The following C12orf42 variants were observed in gnomAD, a reference collection of about 807,000 sequenced individuals.
C12orf42 encodes chromosome 12 open reading frame 42, also known as uncharacterized protein C12orf42.
C12orf42 carries 25 observed loss-of-function variants against 21.6 expected under a neutral mutation model. That is an observed-to-expected ratio of 1.16 (90% CI 0.84 to 1.62). The LOEUF is 1.62. C12orf42 is among the 40% of genes most tolerant of loss of function. The pLI, the probability that C12orf42 is intolerant of heterozygous loss-of-function variation, is 0.00. For synonymous variants in C12orf42, 174 were observed against 175.0 expected, an observed-to-expected ratio of 0.99 and a Z score of 0.05; for missense variants, 483 against 459.3, an observed-to-expected ratio of 1.05 and a Z score of -0.47.
chr12:103,406,613 A>T (rs1426552945), intron 2 of C12orf42, among the ~76,000 whole-genome samples: 1 of 152,208 alleles, frequency 6.6e-6, no homozygotes, highest in Non-Finnish European at 1.5e-5. Flanking sequence ...TTGGTTTGCC[A>T]TTTACTATGT....
At chr12:103,367,405 T>G (rs11111538) in intron 4 of C12orf42, among the ~76,000 whole-genome samples, 17,169 of 147,896 alleles carry the variant, frequency 0.12, 1,317 homozygotes, top group African/African-American at 0.23. Flanking sequence ...AACTTACTCA[T>G]GTAACCAAAC....
At chr12:103,428,520 A>G (rs1949433120) in intron 2 of C12orf42, among the ~76,000 whole-genome samples, 1 of 152,218 alleles carries the variant, frequency 6.6e-6, no homozygotes. Context: ...AAGGATTCAC[A>G]GCCTTATTCT....
At chr12:103,355,045 C>T (rs1337930652) in intron 4 of C12orf42, among the ~76,000 whole-genome samples, 1 of 152,082 alleles carries the variant, frequency 6.6e-6, no homozygotes, top group Non-Finnish European at 1.5e-5. Flanking sequence ...ACTATGTACC[C>T]ATTACAAATA....
chr12:103,509,204 T>A, the C12orf42 span, among the ~76,000 whole-genome samples: 1 of 152,194 alleles, frequency 6.6e-6, no homozygotes, highest in African/African-American at 2.4e-5. Flanking sequence ...CCCTACTCAT[T>A]TGTGCCATTC....
At chr12:103,163,007 T>C in the C12orf42 span, 1 of 152,224 alleles carries the variant, frequency 6.6e-6, no homozygotes, top group Non-Finnish European at 1.5e-5. Context: ...TCCATTTCTA[T>C]TGAAGGAGAA....
intron 10 of C12orf42, among the ~76,000 whole-genome samples, chr12:103,244,623 T>C (rs1483893239): frequency 3.9e-5 from 6 of 151,952 alleles, no homozygotes; most frequent in Non-Finnish European, 7.4e-5. Context: ...TGAGCAACAA[T>C]GTTGCTATGA....
intron 3 of C12orf42, among the ~76,000 whole-genome samples, chr12:103,388,521 C>T (rs2046813436): frequency 6.6e-6 from 1 of 152,158 alleles, no homozygotes; most frequent in Non-Finnish European, 1.5e-5. Context: ...TGGGATTCTA[C>T]TGCATTTGTA....
chr12:103,287,547 G>T (rs1162901468), intron 4 of C12orf42, among the ~76,000 whole-genome samples: 6 of 152,010 alleles, frequency 3.9e-5, no homozygotes, highest in Non-Finnish European at 8.8e-5. Flanking sequence ...ACACACCAGG[G>T]ACTGTTGTGG....
chr12:103,204,488 G>T, the C12orf42 span, among the ~76,000 whole-genome samples: 2 of 152,080 alleles, frequency 1.3e-5, no homozygotes, highest in Non-Finnish European at 2.9e-5. Flanking sequence ...ATCTTTGCAG[G>T]TCTCTTTTGT....
intron 2 of C12orf42, among the ~76,000 whole-genome samples, chr12:103,444,278 C>T (rs970419122): frequency 2.0e-5 from 3 of 152,118 alleles, no homozygotes; most frequent in East Asian, 1.9e-4. Flanking sequence ...CTGAGCCCCA[C>T]GTGGGATTCA....
At chr12:103,109,307 GAGAC>G in the C12orf42 span, among the ~76,000 whole-genome samples, 5 of 152,156 alleles carry the variant, frequency 3.3e-5, no homozygotes, top group Non-Finnish European at 5.9e-5. Flanking sequence ...ATAGGAGAGA[GAGAC>G]AGAATGTGTG....
intron 5 of C12orf42, among the ~76,000 whole-genome samples, chr12:103,274,051 T>C (rs1305105309): frequency 6.6e-6 from 1 of 152,188 alleles, no homozygotes; most frequent in Non-Finnish European, 1.5e-5. Flanking sequence ...CAGTAAGTTA[T>C]TACTAAGGGC....
chr12:103,421,373 C>T (rs1461291469), intron 2 of C12orf42, among the ~76,000 whole-genome samples: 2 of 151,950 alleles, frequency 1.3e-5, no homozygotes. Flanking sequence ...AGTCTGAGAC[C>T]AGCATGGGCA....
At chr12:103,048,302 C>A in the C12orf42 span, among the ~76,000 whole-genome samples, 1 of 152,114 alleles carries the variant, frequency 6.6e-6, no homozygotes, top group African/African-American at 2.4e-5. Context: ...AAGGAATTAA[C>A]CCCTCTAGAA....
At chr12:103,219,095 G>C in the C12orf42 span, among the ~76,000 whole-genome samples, 1 of 152,178 alleles carries the variant, frequency 6.6e-6, no homozygotes, top group Non-Finnish European at 1.5e-5. Flanking sequence ...GGGGGCTGAA[G>C]CCAGGGAGCC....
At chr12:103,071,076 A>G in the C12orf42 span, among the ~76,000 whole-genome samples, 1 of 152,280 alleles carries the variant, frequency 6.6e-6, no homozygotes. Flanking sequence ...TTAGGAAACA[A>G]TCATGAAAGA....
At chr12:103,511,137 G>A in the C12orf42 span, among the ~76,000 whole-genome samples, 2 of 152,132 alleles carry the variant, frequency 1.3e-5, no homozygotes, top group Non-Finnish European at 2.9e-5. Flanking sequence ...GAAAAGGAGA[G>A]AATTTCACTT....
chr12:103,185,292 C>T, the C12orf42 span, among the ~76,000 whole-genome samples: 1 of 152,234 alleles, frequency 6.6e-6, no homozygotes, highest in Admixed American at 6.5e-5. Context: ...AAGCTAGCTT[C>T]CATGGTGTTG....
At chr12:103,064,027 G>A in the C12orf42 span, among the ~76,000 whole-genome samples, 2 of 152,174 alleles carry the variant, frequency 1.3e-5, no homozygotes, top group African/African-American at 4.8e-5. Context: ...GAGCCAGCTG[G>A]AAATGCCTGA....
Sources: gnomAD v4.1 joint callset for allele counts (sites outside exome capture counted in the v4.1 genomes callset) on GRCh38, gnomAD v4.1.1 for gene constraint, MANE v1.5 for transcripts, NCBI Gene and HGNC (gene_info 2026-07-23, HGNC 2026-07-21) for gene names.